The following CDH13 variants were observed in gnomAD, a reference collection of about 807,000 sequenced individuals.
CDH13 encodes the protein cadherin 13.
Under a neutral mutation model 63.8 loss-of-function variants are expected in CDH13, and 24 were observed. The observed-to-expected ratio is 0.38, with a 90% confidence interval of 0.27 to 0.53. The LOEUF is 0.53. Among genes scored for constraint, CDH13 ranks in the 20% least tolerant of loss-of-function variants. The pLI is 0.85. For synonymous variants in CDH13, 503 were observed against 355.3 expected, an observed-to-expected ratio of 1.42 and a Z score of -4.67; for missense variants, 1,049 against 903.1, an observed-to-expected ratio of 1.16 and a Z score of -2.07.
At chr16:83,026,914 C>T (rs932144710) in intron 2 of CDH13, among the ~76,000 whole-genome samples, 5 of 152,162 alleles carry the variant, frequency 3.3e-5, no homozygotes, top group African/African-American at 1.2e-4. Context: ...CAGAGCTAAG[C>T]AGAGCGGCTG....
chr16:83,251,936 G>T (rs1341020860), intron 5 of CDH13, among the ~76,000 whole-genome samples: 2 of 151,974 alleles, frequency 1.3e-5, no homozygotes, highest in Non-Finnish European at 2.9e-5. Context: ...AGCCCCTGAG[G>T]GAGTGCCTCT....
intron 1 of CDH13, among the ~76,000 whole-genome samples, chr16:82,838,836 C>A (rs1311872648): frequency 6.6e-6 from 1 of 152,188 alleles, no homozygotes; most frequent in Non-Finnish European, 1.5e-5. Flanking sequence ...GCTGACTTCA[C>A]CTTGCTCTGG....
intron 3 of CDH13, among the ~76,000 whole-genome samples, chr16:83,086,898 G>A (rs564934560): frequency 5.1e-4 from 77 of 152,138 alleles, no homozygotes; most frequent in Non-Finnish European, 8.5e-4. Flanking sequence ...CAGAAAGAAC[G>A]AGAGCAAAAT....
At chr16:83,486,368 G>T in intron 6 of CDH13, 109 bp from the exon 7 acceptor site, 1 of 761,666 alleles carries the variant, frequency 1.3e-6, no homozygotes, top group South Asian at 3.0e-5. Flanking sequence ...TTTTAATTTG[G>T]AAAGTGATGG....
intron 2 of CDH13, among the ~76,000 whole-genome samples, chr16:82,966,831 A>G (rs965678303): frequency 6.6e-6 from 1 of 152,140 alleles, no homozygotes; most frequent in African/African-American, 2.4e-5. Flanking sequence ...AAAAACAAGG[A>G]TGTTTTTTCT....
chr16:82,946,543 A>G (rs1441129787), intron 2 of CDH13, among the ~76,000 whole-genome samples: 1 of 152,072 alleles, frequency 6.6e-6, no homozygotes, highest in East Asian at 1.9e-4. Context: ...CAAGATGGCA[A>G]AACCTCATCT....
At chr16:83,601,347 T>C (rs1907774057) in intron 7 of CDH13, among the ~76,000 whole-genome samples, 1 of 152,246 alleles carries the variant, frequency 6.6e-6, no homozygotes, top group Non-Finnish European at 1.5e-5. Context: ...GGATCAGGGC[T>C]ATTTGGCTAG....
chr16:82,936,468 C>T (rs1289589356), intron 2 of CDH13, among the ~76,000 whole-genome samples: 2 of 152,098 alleles, frequency 1.3e-5, no homozygotes, highest in African/African-American at 4.8e-5. Flanking sequence ...ACCCCACCCA[C>T]CAACTTTCCC....
intron 1 of CDH13, among the ~76,000 whole-genome samples, chr16:82,851,541 T>A (rs886381073): frequency 1.3e-5 from 2 of 152,148 alleles, no homozygotes; most frequent in African/African-American, 4.8e-5. Flanking sequence ...GTAAAACCAT[T>A]TGTAAGTGTC....
At chr16:83,388,013 G>T (rs957751274) in intron 6 of CDH13, among the ~76,000 whole-genome samples, 8 of 152,138 alleles carry the variant, frequency 5.3e-5, no homozygotes, top group African/African-American at 1.7e-4. Flanking sequence ...TTGGGTTTCA[G>T]TTATCAGGAC....
intron 6 of CDH13, among the ~76,000 whole-genome samples, chr16:83,359,546 C>G (rs1450966104): frequency 1.3e-5 from 2 of 152,138 alleles, no homozygotes; most frequent in Admixed American, 6.6e-5. Flanking sequence ...CTCTTATCAG[C>G]TGTGTTAATT....
intron 2 of CDH13, among the ~76,000 whole-genome samples, chr16:82,980,474 C>G (rs1258611858): frequency 1.3e-5 from 2 of 152,180 alleles, no homozygotes; most frequent in Non-Finnish European, 2.9e-5. Flanking sequence ...TGATTAAACA[C>G]AACACAGTAT....
intron 2 of CDH13, chr16:82,990,288 AG>A (rs1245320138): frequency 6.6e-6 from 1 of 152,214 alleles, no homozygotes; most frequent in East Asian, 1.9e-4. Flanking sequence ...CTGCATTTCA[AG>A]GAGGATGGCA....
At position 83,787,296 on chromosome 16, in the gene CDH13, A is replaced by G. The variant is rs188072740; in HGVS notation, c.2134+3824A>G. On this transcript the variant is annotated intron_variant, in intron 13 of 13. Transcript: ENST00000567109. ...CCATATTAGTCTCTGTCACATATTC[A>G]TCTTTATTGTTTGTTTGTTTGTTTG... Among the ~76,000 whole-genome samples the G allele has an allele frequency of 1.1e-3, 162 of 151,980 alleles. 2 individuals are homozygous for G. The highest frequency in any genetic ancestry group is 6.8e-3 in the Middle Eastern group (2 of 294).
chr16:83,289,356 G>GCCAC (rs2089410023), intron 5 of CDH13, among the ~76,000 whole-genome samples: 3 of 152,238 alleles, frequency 2.0e-5, no homozygotes, highest in Admixed American at 2.0e-4. Context: ...TCTGTTTAGG[G>GCCAC]CGGTGTGTGG....
chr16:83,508,628 C>T (rs952020093), intron 7 of CDH13, among the ~76,000 whole-genome samples: 2 of 152,142 alleles, frequency 1.3e-5, no homozygotes, highest in African/African-American at 2.4e-5. Context: ...GATATGTTCT[C>T]CCGAGTCTCC....
rs185567872 is a variant in CDH13, at chr16:83,378,153, C to G, written c.781+33147C>G. Among the ~76,000 whole-genome samples, 14 of 152,312 alleles carry G rather than the reference C, an allele frequency of 9.2e-5. No individual in the cohort carries two copies. The East Asian group carries it at 2.7e-3, about 29-fold the overall frequency. ...ACCATCATCACTACGATTTATCCAGCCTTTGCTCTATGGTAGATGCTGTGC... is the reference window on the plus strand; with the variant it reads ...ACCATCATCACTACGATTTATCCAGGCTTTGCTCTATGGTAGATGCTGTGC... On this transcript the variant is annotated intron_variant, in intron 6 of 13. Coordinates refer to ENST00000567109, the MANE Select transcript of CDH13 (RefSeq NM_001257.5).
At chr16:83,184,746 C>T (rs979032800) in intron 4 of CDH13, among the ~76,000 whole-genome samples, 1 of 152,002 alleles carries the variant, frequency 6.6e-6, no homozygotes, top group African/African-American at 2.4e-5. Flanking sequence ...CAGAGCGAGA[C>T]TCCATCTCAA....
At chr16:82,869,917 C>G (rs1300528901) in intron 2 of CDH13, among the ~76,000 whole-genome samples, 2 of 152,120 alleles carry the variant, frequency 1.3e-5, no homozygotes, top group African/African-American at 2.4e-5. Flanking sequence ...GGACATTGGT[C>G]TTGGCAAAGA....
Sources: allele counts gnomAD v4.1 joint callset (sites outside exome capture counted in the v4.1 genomes callset), GRCh38; gene constraint gnomAD v4.1.1; transcripts MANE v1.5; gene names NCBI Gene and HGNC (gene_info 2026-07-23, HGNC 2026-07-21).